Variants in DMD observed in about 807,000 individuals in gnomAD.
DMD encodes dystrophin.
A neutral mutation model predicts 330.1 loss-of-function variants in DMD; 63 were observed. The ratio of observed to expected loss-of-function variants is 0.19; its 90% CI spans 0.16 to 0.24. The LOEUF is 0.24. DMD is among the 10% of genes least tolerant of loss of function. The pLI, the probability that DMD is intolerant of heterozygous loss-of-function variation, is 1.00. For missense variants in DMD, 3,344 were observed against 2,684.1 expected (o/e 1.25, Z -5.43); for synonymous variants, 1,223 against 959.8 (o/e 1.27, Z -5.07).
Position 32,491,327 on chromosome X carries a change from T to A in DMD, c.2572A>T (p.Thr858Ser), listed in dbSNP as rs752670585. Reference protein sequence around the residue: ...TAENWLKIQPTTPSEPTAIKS... With the variant: ...TAENWLKIQPSTPSEPTAIKS... ...ATTGCTGTTGGCTCTGATGGGGTGG[T>A]GGGTTGGATTTTCAACCAGTTTTCA... Residue 858 changes from threonine (T) to serine (S), a missense_variant, in exon 20 of 79, where the codon ACC becomes TCC. By Grantham distance (58) the Thr-to-Ser change is moderately conservative. Transcript: ENST00000357033. 15 of 1,211,400 alleles carry A rather than the reference T, an allele frequency of 1.2e-5. No individual in the cohort carries two copies. Among genetic ancestry groups the A allele is most frequent in the Non-Finnish European group, 1.7e-5 (15 of 895,200 alleles).
At chrX:31,441,189 T>C (rs1456449108) in intron 60 of DMD, among the ~76,000 whole-genome samples, 1 of 111,876 alleles carries the variant, frequency 8.9e-6, no homozygotes, top group Non-Finnish European at 1.9e-5. Flanking sequence ...CAGTTCTCTA[T>C]TTTTATTTTA....
At chrX:31,278,157 C>G (rs1479539231) in intron 62 of DMD, among the ~76,000 whole-genome samples, 2 of 110,485 alleles carry the variant, frequency 1.8e-5, no homozygotes, top group African/African-American at 6.6e-5. Flanking sequence ...GTGTGTGTAC[C>G]AGGATGACAT....
chrX:31,650,260 T>C (rs1212767440), intron 54 of DMD, among the ~76,000 whole-genome samples: 1 of 101,400 alleles, frequency 9.9e-6, no homozygotes, highest in Non-Finnish European at 2.0e-5. Flanking sequence ...ACCAGGAACT[T>C]TAATATTTTA....
intron 51 of DMD, among the ~76,000 whole-genome samples, chrX:31,758,787 G>A (rs2089337274): frequency 2.7e-5 from 3 of 111,855 alleles, no homozygotes; most frequent in African/African-American, 9.7e-5. Context: ...AAGGATGACT[G>A]TTATTTTGAC....
chrX:32,870,492 A>G (rs1419748414), intron 2 of DMD, among the ~76,000 whole-genome samples: 1 of 112,257 alleles, frequency 8.9e-6, no homozygotes, highest in Non-Finnish European at 1.9e-5. Context: ...CTAAGCAAAA[A>G]TAACAAAGCT....
chrX:32,886,643 A>G (rs1050393299), intron 2 of DMD, among the ~76,000 whole-genome samples: 5 of 110,980 alleles, frequency 4.5e-5, no homozygotes, highest in Non-Finnish European at 9.4e-5. Context: ...AGATCGCGCC[A>G]CTGCACTCCA....
intron 60 of DMD, among the ~76,000 whole-genome samples, chrX:31,352,571 T>C (rs1182602239): frequency 8.9e-6 from 1 of 112,036 alleles, no homozygotes; most frequent in East Asian, 2.8e-4. Flanking sequence ...TGCCTTCTTA[T>C]ACAAGGAGCG....
intron 54 of DMD, among the ~76,000 whole-genome samples, chrX:31,645,538 T>G (rs929036952): frequency 2.7e-5 from 3 of 112,624 alleles, no homozygotes; most frequent in African/African-American, 6.4e-5. Context: ...TATAGGCTTA[T>G]GCCTACGTGA....
chrX:31,309,772 C>T (rs949939407), intron 62 of DMD, among the ~76,000 whole-genome samples: 21 of 111,760 alleles, frequency 1.9e-4, no homozygotes, highest in African/African-American at 6.5e-4. Flanking sequence ...TTAACAGATA[C>T]GTTTTTAAAA....
intron 1 of DMD, among the ~76,000 whole-genome samples, chrX:33,151,072 G>A (rs950016324): frequency 4.4e-5 from 5 of 112,693 alleles, no homozygotes; most frequent in Non-Finnish European, 7.5e-5. Flanking sequence ...GCTTTGCTAT[G>A]TTATGCTGCC....
At chrX:31,529,042 C>A (rs887048690) in intron 55 of DMD, among the ~76,000 whole-genome samples, 1 of 110,716 alleles carries the variant, frequency 9.0e-6, no homozygotes, top group South Asian at 3.8e-4. Flanking sequence ...GCCAACATGG[C>A]GAAACTCTGT....
chrX:32,100,523 G>A (rs1603625246), intron 44 of DMD, among the ~76,000 whole-genome samples: 1 of 110,125 alleles, frequency 9.1e-6, no homozygotes, highest in Middle Eastern at 4.7e-3. Flanking sequence ...TTGTTTTTTA[G>A]ATTTACGCTT....
At chrX:33,127,967 A>G (rs76556925) in intron 1 of DMD, 3 of 1,007,604 alleles carry the variant, frequency 3.0e-6, no homozygotes, top group African/African-American at 3.8e-5. Flanking sequence ...TCCCTTCCTC[A>G]CAACAAAAGC....
chrX:31,822,816 T>C (rs1265131162), intron 49 of DMD, among the ~76,000 whole-genome samples: 1 of 110,522 alleles, frequency 9.0e-6, no homozygotes, highest in East Asian at 2.8e-4. Flanking sequence ...TCAAATAATC[T>C]GATCAATCTT....
chrX:31,522,365 A>C (rs199725977), intron 55 of DMD, among the ~76,000 whole-genome samples: 6,279 of 46,355 alleles, frequency 0.14, 287 homozygotes, highest in Non-Finnish European at 0.16. Context: ...CTCTCTCTCT[A>C]TATATATATA....
intron 65 of DMD, 33 bp downstream of exon 65, chrX:31,209,465 A>C (rs2148590274): frequency 1.7e-6 from 2 of 1,163,687 alleles, no homozygotes; most frequent in Non-Finnish European, 2.3e-6. Flanking sequence ...CTCCTGTGAC[A>C]GAGCCCGGGA....
intron 51 of DMD, among the ~76,000 whole-genome samples, chrX:31,760,570 A>G (rs757540912): frequency 1.3e-3 from 146 of 112,127 alleles, no homozygotes; most frequent in African/African-American, 4.7e-3. Context: ...GCAATAGGCT[A>G]TACCATACAA....
At chrX:32,386,960 C>T (rs2097962752) in intron 32 of DMD, among the ~76,000 whole-genome samples, 1 of 110,283 alleles carries the variant, frequency 9.1e-6, no homozygotes, top group South Asian at 3.8e-4. Context: ...TCTCATGGTA[C>T]TTACATATTA....
intron 2 of DMD, among the ~76,000 whole-genome samples, chrX:32,855,251 C>G (rs1441198029): frequency 8.9e-6 from 1 of 111,934 alleles, no homozygotes; most frequent in African/African-American, 3.2e-5. Flanking sequence ...AGACTTTTCT[C>G]TAAGATCTGT....
Sources: gnomAD v4.1 joint callset for allele counts (sites outside exome capture counted in the v4.1 genomes callset) on GRCh38, gnomAD v4.1.1 for gene constraint, MANE v1.5 for transcripts, NCBI Gene and HGNC (gene_info 2026-07-23, HGNC 2026-07-21) for gene names.